The following CNTNAP3 variants were observed in gnomAD, a reference collection of about 807,000 sequenced individuals.
CNTNAP3 encodes contactin-associated protein-like 3.
CNTNAP3 carries 36 observed loss-of-function variants against 92.1 expected under a neutral mutation model. The ratio of observed to expected loss-of-function variants is 0.39; its 90% CI spans 0.30 to 0.52. The LOEUF (loss-of-function observed/expected upper bound fraction) is 0.52, where lower values mean the gene tolerates loss of function less well. CNTNAP3 is among the 20% of genes least tolerant of loss of function. CNTNAP3 has a pLI of 0.76. For synonymous variants in CNTNAP3, 232 were observed against 422.3 expected (o/e 0.55, Z 5.53); for missense variants, 534 against 1,069.6 (o/e 0.50, Z 6.98).
intron 9 of CNTNAP3, among the ~76,000 whole-genome samples, chr9:39,151,743 A>G (rs893213890): frequency 2.7e-5 from 4 of 148,260 alleles, no homozygotes; most frequent in African/African-American, 1.0e-4. Context: ...GAATAACTAA[A>G]TTGTATATTA....
At chr9:39,114,828 G>A (rs1820816598) in intron 14 of CNTNAP3, among the ~76,000 whole-genome samples, 1 of 151,438 alleles carries the variant, frequency 6.6e-6, no homozygotes, top group African/African-American at 2.4e-5. Context: ...TAATATTACA[G>A]TTACATGTGT....
rs1223280053 is a variant in CNTNAP3 at position 39,131,938 on chromosome 9, A to C, written c.2080+994T>G. Among the ~76,000 whole-genome samples the C allele has an allele frequency of 2.0e-5, 3 of 151,494 alleles. 1 individual carries two copies. Among genetic ancestry groups the C allele is most frequent in the African/African-American group, 7.3e-5 (3 of 40,954 alleles). On this transcript the variant is annotated intron_variant, in intron 13 of 23. Coordinates refer to ENST00000297668, the MANE Select transcript of CNTNAP3 (RefSeq NM_033655.5). ...CAAACCACCTTCAGATGACAGTCAT[A>C]CACCACTTTCCAACTTAAAGATTTT...
At chr9:39,200,251 TC>T (rs944523512) in intron 3 of CNTNAP3, among the ~76,000 whole-genome samples, 105 of 1,262 alleles carry the variant, frequency 0.083, 13 homozygotes, top group African/African-American at 0.11. Flanking sequence ...TAATTATAAA[TC>T]TTTGTGCCTT....
At chr9:39,118,000 C>A in intron 14 of CNTNAP3, 103 bp downstream of exon 14, 1 of 1,589,802 alleles carries the variant, frequency 6.3e-7, no homozygotes, top group Admixed American at 1.7e-5. Context: ...CTTGAACATA[C>A]TTTAGTTACC....
At position 39,109,160 on chromosome 9, in the gene CNTNAP3, G is replaced by A. The variant is rs1183922955; in HGVS notation, c.2365C>T (p.Gln789Ter). 4 of 1,609,416 alleles carry A rather than the reference G, an allele frequency of 2.5e-6. No homozygotes were observed. The highest frequency in any genetic ancestry group is 2.2e-5 in the East Asian group (1 of 44,868). ...AAAGCTTTTTCTTGACACTACTTACGATCTCCGCGGCAGAGCAGTGGCCCC... is the reference window on the plus strand; with the variant it reads ...AAAGCTTTTTCTTGACACTACTTACAATCTCCGCGGCAGAGCAGTGGCCCC... ...TLGPLLCRGD[Q>*]SFWNSASFNT... is the part of the protein sequence containing the mutation. The change falls in exon 15 of 24, where the codon CAG (glutamine) becomes TAG (stop). Residue 789 changes from glutamine (Q) to a stop codon, truncating the protein, a stop_gained and splice_region_variant. Coordinates refer to ENST00000297668, the MANE Select transcript of CNTNAP3 (RefSeq NM_033655.5). LOFTEE classifies it high-confidence loss of function.
intron 13 of CNTNAP3, among the ~76,000 whole-genome samples, chr9:39,121,567 C>A (rs140767863): frequency 1.3e-5 from 2 of 152,284 alleles, no homozygotes; most frequent in Non-Finnish European, 2.9e-5. Context: ...AACAGCATCA[C>A]AGCTAATGGA....
At chr9:39,087,383 A>T (rs1826084268) in intron 19 of CNTNAP3, among the ~76,000 whole-genome samples, 1 of 152,296 alleles carries the variant, frequency 6.6e-6, no homozygotes, top group South Asian at 2.1e-4. Context: ...TTTCCATAGT[A>T]TCTACATCTT....
At chr9:39,146,959 C>G (rs566278268) in intron 10 of CNTNAP3, among the ~76,000 whole-genome samples, 2 of 152,086 alleles carry the variant, frequency 1.3e-5, no homozygotes, top group African/African-American at 4.8e-5. Context: ...TAATTCCCAC[C>G]GTGTCATGGG....
intron 13 of CNTNAP3, among the ~76,000 whole-genome samples, chr9:39,124,520 T>C (rs1351263903): frequency 1.3e-5 from 2 of 152,134 alleles, no homozygotes; most frequent in Admixed American, 1.3e-4. Flanking sequence ...TGGGATCTAA[T>C]TAAACTAAAG....
chr9:39,132,904 C>A, intron 13 of CNTNAP3, 28 bp downstream of exon 13: 1 of 1,530,708 alleles, frequency 6.5e-7, no homozygotes, highest in South Asian at 1.2e-5. Flanking sequence ...CCCCGTGAAC[C>A]CCTGTAGCCT....
At chr9:39,098,378 C>G (rs1016660987) in intron 18 of CNTNAP3, among the ~76,000 whole-genome samples, 57 of 151,726 alleles carry the variant, frequency 3.8e-4, no homozygotes, top group Non-Finnish European at 7.5e-4. Flanking sequence ...CTACTCCACT[C>G]TTTCCATTTC....
chr9:39,137,360 G>C (rs1293527328), intron 12 of CNTNAP3, among the ~76,000 whole-genome samples: 3 of 151,892 alleles, frequency 2.0e-5, no homozygotes, highest in Non-Finnish European at 4.4e-5. Context: ...TTGCTTCTTA[G>C]AATTTCCATC....
chr9:39,104,477 T>TACACATACACACACAC (rs1310721529), intron 15 of CNTNAP3, among the ~76,000 whole-genome samples: 3 of 123,108 alleles, frequency 2.4e-5, no homozygotes, highest in African/African-American at 9.2e-5. Flanking sequence ...CACATACACA[T>TACACATACACACACAC]ACACACACAC....
chr9:39,128,312 TC>T (rs1487788996), intron 13 of CNTNAP3, among the ~76,000 whole-genome samples: 1 of 151,960 alleles, frequency 6.6e-6, no homozygotes, highest in Non-Finnish European at 1.5e-5. Context: ...CATATCAATA[TC>T]TCTTATGAAT....
intron 15 of CNTNAP3, among the ~76,000 whole-genome samples, chr9:39,104,466 GCACATACACATACACA>G (rs1826547009): frequency 8.9e-6 from 1 of 112,136 alleles, no homozygotes; most frequent in Non-Finnish European, 1.9e-5. Flanking sequence ...TTTCCTTCCT[GCACATACACATACACA>G]CACACACACA....
chr9:39,161,789 T>G (rs1822078643), intron 9 of CNTNAP3, among the ~76,000 whole-genome samples: 1 of 119,508 alleles, frequency 8.4e-6, no homozygotes, highest in Non-Finnish European at 1.7e-5. Context: ...GTTGAGGCTG[T>G]ATCGTGTCAT....
chr9:39,141,000 G>C (rs2118093704), intron 11 of CNTNAP3, among the ~76,000 whole-genome samples: 1 of 152,274 alleles, frequency 6.6e-6, no homozygotes, highest in South Asian at 2.1e-4. Flanking sequence ...ATCTTCAATA[G>C]ACAATCTTTT....
intron 17 of CNTNAP3, among the ~76,000 whole-genome samples, chr9:39,100,392 AT>A (rs1318888906): frequency 6.6e-6 from 1 of 152,224 alleles, no homozygotes; most frequent in East Asian, 1.9e-4. Flanking sequence ...GTCCTAAAAC[AT>A]TTCCTTAACT....
chr9:39,122,102 C>T (rs1416648038), intron 13 of CNTNAP3, among the ~76,000 whole-genome samples: 7 of 152,182 alleles, frequency 4.6e-5, no homozygotes, highest in Non-Finnish European at 1.0e-4. Context: ...CGCCTGTAAT[C>T]CCAGCACTTT....
Sources: gnomAD v4.1 joint callset for allele counts (sites outside exome capture counted in the v4.1 genomes callset) on GRCh38, gnomAD v4.1.1 for gene constraint, MANE v1.5 for transcripts, NCBI Gene and HGNC (gene_info 2026-07-23, HGNC 2026-07-21) for gene names.